The following LHB variants were observed in gnomAD, a reference collection of about 807,000 sequenced individuals.
LHB encodes the protein lutropin subunit beta.
LHB carries 11 observed loss-of-function variants against 10.6 expected under a neutral mutation model. The ratio of observed to expected loss-of-function variants is 1.04; its 90% CI spans 0.66 to 1.72. LHB has a LOEUF of 1.72. LHB is among the 40% of genes most tolerant of loss of function. LHB has a pLI of 0.00. For missense variants in LHB, 184 were observed against 197.3 expected (o/e 0.93, Z 0.41); for synonymous variants, 86 against 83.1 (o/e 1.03, Z -0.19).
upstream of LHB, chr19:49,017,103 G>T (rs778899206): frequency 6.2e-6 from 10 of 1,613,848 alleles, no homozygotes; most frequent in Non-Finnish European, 8.5e-6. Context: ...CCCCTGCCTC[G>T]TGTATCTGGC....
At chr19:49,017,219 G>A (rs550872935), upstream of LHB, 242 of 1,444,922 alleles carry the variant, frequency 1.7e-4, 1 homozygote, top group Middle Eastern at 3.9e-4. Flanking sequence ...ACATGGCCAG[G>A]GAGGCGCAGG....
chr19:49,017,568 G>A (rs1287394668), upstream of LHB: 6 of 1,095,692 alleles, frequency 5.5e-6, no homozygotes, highest in African/African-American at 3.2e-5. Flanking sequence ...TGTGCTGCCA[G>A]GGAAGCCACT....
chr19:49,019,129 C>G, upstream of LHB: 1 of 1,429,556 alleles, frequency 7.0e-7, no homozygotes, highest in Non-Finnish European at 9.1e-7. Flanking sequence ...CCCTCACACC[C>G]CGCCCCAGGG....
In LHB at chr19:49,016,149, G is replaced by A. The variant is rs1273922772; in HGVS notation, c.345C>T (p.Arg115=). 1 of 1,612,806 alleles carries A rather than the reference G, an allele frequency of 6.2e-7. No individual in the cohort carries two copies. The highest frequency in any genetic ancestry group is 8.5e-7 in the Non-Finnish European group (1 of 1,180,026). The change falls in exon 3 of 3, where the codon CGC becomes CGT. Residue 115 remains arginine, a synonymous_variant. Transcript: ENST00000649238. ...TGGGACCCCCACAGTCAGAGGTGCTGCGGCGGCAGGGTCCACAGCGACAGC... is the reference window on the plus strand; with the variant it reads ...TGGGACCCCCACAGTCAGAGGTGCTACGGCGGCAGGGTCCACAGCGACAGC... ...ALSCRCGPCR[R]STSDCGGPKD... is the part of the protein sequence containing the mutation.
chr19:49,016,418 C>T (rs2122673642), intron 2 of LHB, 108 bp from the exon 3 acceptor site: 1 of 1,599,218 alleles, frequency 6.3e-7, no homozygotes, highest in Admixed American at 1.7e-5. Flanking sequence ...AGGAAGCCCT[C>T]TGTTCCTGCC....
upstream of LHB, chr19:49,018,445 G>A (rs1319718250): frequency 4.5e-5 from 31 of 682,790 alleles, no homozygotes; most frequent in Non-Finnish European, 5.4e-5. Flanking sequence ...TGCATTTCCA[G>A]GCGAGCACCC....
chr19:49,017,404 C>T, upstream of LHB: 1 of 1,129,828 alleles, frequency 8.9e-7, no homozygotes. Flanking sequence ...ATTGTGGGGT[C>T]TTGGGAGCCA....
At chr19:49,018,274 CT>C, upstream of LHB, 1 of 1,080,248 alleles carries the variant, frequency 9.3e-7, no homozygotes, top group Non-Finnish European at 1.2e-6. Context: ...GGCTCCAGAC[CT>C]GGGGCGTCTC....
At chr19:49,016,972 A>T in intron 1 of LHB, 95 bp downstream of exon 1, 1 of 1,611,192 alleles carries the variant, frequency 6.2e-7, no homozygotes, top group Admixed American at 1.7e-5. Context: ...CTCCAGAAAG[A>T]GGCCTCCTTC....
At chr19:49,017,263 T>G (rs2039572775), upstream of LHB, among the ~76,000 whole-genome samples, 1 of 152,064 alleles carries the variant, frequency 6.6e-6, no homozygotes, top group Non-Finnish European at 1.5e-5. Flanking sequence ...CCCTCTCCCC[T>G]CAGTGGTCTA....
upstream of LHB, chr19:49,019,413 C>T (rs1172287346): frequency 2.0e-5 from 25 of 1,259,128 alleles, no homozygotes; most frequent in East Asian, 3.1e-5. Context: ...TAGTCTCCTC[C>T]CCACCCACAG....
upstream of LHB, chr19:49,017,351 T>C: frequency 9.5e-7 from 1 of 1,050,516 alleles, no homozygotes; most frequent in Non-Finnish European, 1.3e-6. Flanking sequence ...TAGTCGAGCC[T>C]GGAGGCACAG....
chr19:49,018,758 G>T, upstream of LHB: 1 of 890,844 alleles, frequency 1.1e-6, no homozygotes, highest in African/African-American at 1.7e-5. Flanking sequence ...TGCTGCTACA[G>T]AAGTCGAGGC....
At chr19:49,017,724 C>G, upstream of LHB, 1 of 467,362 alleles carries the variant, frequency 2.1e-6, no homozygotes, top group Non-Finnish European at 3.4e-6. Context: ...ATTTAATACG[C>G]CCGCAGGGTG....
chr19:49,018,179 G>T, upstream of LHB: 1 of 419,710 alleles, frequency 2.4e-6, no homozygotes, highest in Non-Finnish European at 4.1e-6. Flanking sequence ...CATGGCCGAG[G>T]TCACCGGGCT....
chr19:49,016,943 C>T (rs1421667257), intron 1 of LHB, 124 bp downstream of exon 1: 4 of 1,607,460 alleles, frequency 2.5e-6, no homozygotes, highest in Non-Finnish European at 3.4e-6. Flanking sequence ...CCACCTGAAG[C>T]TTACTGGGGG....
At chr19:49,016,970 A>G in intron 1 of LHB, 97 bp downstream of exon 1, 8 of 1,611,076 alleles carry the variant, frequency 5.0e-6, no homozygotes, top group Non-Finnish European at 6.8e-6. Context: ...CCCTCCAGAA[A>G]GAGGCCTCCT....
upstream of LHB, chr19:49,017,706 A>T (rs1002657335): frequency 3.8e-6 from 2 of 529,342 alleles, no homozygotes; most frequent in African/African-American, 2.0e-5. Flanking sequence ...CAGGTGATTT[A>T]ACTCATTATT....
upstream of LHB, chr19:49,018,156 C>G (rs2039589865): frequency 5.0e-6 from 2 of 403,244 alleles, no homozygotes; most frequent in Non-Finnish European, 8.7e-6. Flanking sequence ...AGAGACAGGG[C>G]TCCCCGGTGC....
Sources: allele counts gnomAD v4.1 joint callset (sites outside exome capture counted in the v4.1 genomes callset), GRCh38; gene constraint gnomAD v4.1.1; transcripts MANE v1.5; gene names NCBI Gene and HGNC (gene_info 2026-07-23, HGNC 2026-07-21).